IGSF11: variants seen among roughly 807,000 people sequenced by gnomAD.
The protein encoded by IGSF11 is CXADR like 1.
A neutral mutation model predicts 41.0 loss-of-function variants in IGSF11; 22 were observed. That is an observed-to-expected ratio of 0.54 (90% CI 0.38 to 0.77). IGSF11 has a LOEUF of 0.77. Ranked by LOEUF, IGSF11 falls within the 30% of genes least tolerant of loss-of-function variation. The pLI is 0.00. For missense variants in IGSF11, 444 were observed against 530.8 expected, an observed-to-expected ratio of 0.84 and a Z score of 1.61; for synonymous variants, 219 against 201.3, an observed-to-expected ratio of 1.09 and a Z score of -0.74.
intron 1 of IGSF11, among the ~76,000 whole-genome samples, chr3:119,005,024 C>A (rs1415033733): frequency 1.3e-5 from 2 of 149,364 alleles, no homozygotes; most frequent in African/African-American, 5.0e-5. Context: ...TCCTTGTTGA[C>A]TTCCTGTCTC....
intron 1 of IGSF11, among the ~76,000 whole-genome samples, chr3:119,078,162 C>T (rs1056143160): frequency 6.6e-6 from 1 of 152,058 alleles, no homozygotes; most frequent in Admixed American, 6.5e-5. Context: ...TTAGAAAAAA[C>T]TATTCTAAAA....
intron 1 of IGSF11, among the ~76,000 whole-genome samples, chr3:118,968,967 C>T (rs934922307): frequency 6.0e-4 from 92 of 152,242 alleles, no homozygotes; most frequent in African/African-American, 2.0e-3. Flanking sequence ...TCATCTCATA[C>T]ACATAATGTA....
Position 118,927,229 on chromosome 3 carries a change from G to A in IGSF11, c.425-973C>T, listed in dbSNP as rs915872632. On this transcript the variant is annotated intron_variant, in intron 3 of 6. Transcript: ENST00000393775. ...GTCATTGCCACTGTGATGCCAGGAA[G>A]AGAAACCCAAAATAATTCTTTGGAG... Among the ~76,000 whole-genome samples the A allele has an allele frequency of 4.6e-5, 7 of 152,260 alleles. No individual in the cohort carries two copies. The South Asian group carries it at 8.3e-4, about 18-fold the overall frequency.
intron 1 of IGSF11, among the ~76,000 whole-genome samples, chr3:118,962,023 C>G (rs1945370293): frequency 6.6e-6 from 1 of 152,092 alleles, no homozygotes; most frequent in Non-Finnish European, 1.5e-5. Context: ...AATTATATGG[C>G]CTGGACTCTG....
chr3:119,139,530 C>T (rs952186417), intron 1 of IGSF11, among the ~76,000 whole-genome samples: 1 of 152,144 alleles, frequency 6.6e-6, no homozygotes, highest in Non-Finnish European at 1.5e-5. Context: ...AAGAGTTTCC[C>T]TGCACAAGCT....
chr3:119,059,519 A>G (rs1406677218), intron 1 of IGSF11, among the ~76,000 whole-genome samples: 3 of 152,178 alleles, frequency 2.0e-5, no homozygotes, highest in Non-Finnish European at 4.4e-5. Context: ...GAACTTATCC[A>G]TATAACAAAA....
intron 1 of IGSF11, among the ~76,000 whole-genome samples, chr3:119,086,025 T>C (rs1481597954): frequency 6.6e-6 from 1 of 152,276 alleles, no homozygotes; most frequent in East Asian, 1.9e-4. Flanking sequence ...ACTATGTAAA[T>C]GAAAAGGATG....
intron 1 of IGSF11, among the ~76,000 whole-genome samples, chr3:119,009,733 T>C (rs1937870873): frequency 6.6e-6 from 1 of 152,210 alleles, no homozygotes; most frequent in Admixed American, 6.5e-5. Flanking sequence ...TCATTTCGCC[T>C]GATTATTTTG....
intron 1 of IGSF11, among the ~76,000 whole-genome samples, chr3:119,003,654 TGA>T (rs1937146155): frequency 1.3e-5 from 2 of 152,036 alleles, no homozygotes; most frequent in Admixed American, 6.5e-5. Context: ...CTTAATTTAT[TGA>T]GAGTTTTTAG....
At chr3:118,942,360 C>T (rs1943761764) in intron 1 of IGSF11, among the ~76,000 whole-genome samples, 1 of 152,212 alleles carries the variant, frequency 6.6e-6, no homozygotes, top group African/African-American at 2.4e-5. Context: ...ATATCAGGCA[C>T]TTAACCCTAC....
Position 118,915,052 on chromosome 3 carries a change from G to C in IGSF11, c.581-9334C>G, listed in dbSNP as rs976421428. On this transcript the variant is annotated intron_variant, in intron 4 of 6. Coordinates refer to ENST00000393775, the MANE Select transcript of IGSF11 (RefSeq NM_001015887.3). ...AGACCTGCAGCTGAGGGTCCTGTCT[G>C]TTAGAAGGAAAACTAACAAACAGAA... 2.3e-4 allele frequency among the ~76,000 whole-genome samples: 30 copies of C among 130,710 alleles called. No homozygotes were observed. In the East Asian group the frequency reaches 6.7e-3, roughly 29 times the overall value. The allele number at this position is 130,710 out of a possible 152,430, so 85.8% of individuals were successfully genotyped here.
intron 1 of IGSF11, among the ~76,000 whole-genome samples, chr3:119,080,848 G>T (rs773074918): frequency 9.3e-4 from 142 of 152,212 alleles, no homozygotes; most frequent in Non-Finnish European, 1.6e-3. Flanking sequence ...GACCTAGGGT[G>T]ACAGTTGCTT....
chr3:118,910,666 G>A (rs1018456329), intron 4 of IGSF11, among the ~76,000 whole-genome samples: 1 of 152,116 alleles, frequency 6.6e-6, no homozygotes, highest in East Asian at 1.9e-4. Context: ...ATTATATAAA[G>A]CCTTTCACAA....
At chr3:118,939,891 A>C (rs1943557308) in intron 1 of IGSF11, among the ~76,000 whole-genome samples, 1 of 152,188 alleles carries the variant, frequency 6.6e-6, no homozygotes, top group African/African-American at 2.4e-5. Context: ...CAGAAAAACA[A>C]CAGGGTAAAT....
intron 1 of IGSF11, among the ~76,000 whole-genome samples, chr3:118,975,788 G>C (rs1036084267): frequency 2.0e-5 from 3 of 152,152 alleles, no homozygotes; most frequent in African/African-American, 7.2e-5. Flanking sequence ...CATATTGCAT[G>C]TTCTTATTTA....
At chr3:119,044,455 G>A (rs1941240594) in intron 1 of IGSF11, among the ~76,000 whole-genome samples, 1 of 152,006 alleles carries the variant, frequency 6.6e-6, no homozygotes, top group Admixed American at 6.6e-5. Context: ...TATTCCTGAG[G>A]AAGAGAAATC....
intron 1 of IGSF11, among the ~76,000 whole-genome samples, chr3:118,949,639 C>T (rs1181384469): frequency 6.6e-6 from 1 of 152,184 alleles, no homozygotes; most frequent in African/African-American, 2.4e-5. Context: ...TTATTCTCAA[C>T]ATTCTTGCAA....
intron 4 of IGSF11, among the ~76,000 whole-genome samples, chr3:118,911,880 G>A (rs1034102199): frequency 6.6e-6 from 1 of 152,026 alleles, no homozygotes. Flanking sequence ...GTGGGACCAT[G>A]GTGATATTTA....
At position 119,105,080 on chromosome 3, in the gene IGSF11, G is replaced by T; in HGVS notation, c.49+64C>A. The T allele has an allele frequency of 6.7e-6, 7 of 1,044,246 alleles. No homozygotes were observed. The South Asian group carries it at 8.2e-5, about 12-fold the overall frequency. 64.7% of individuals were successfully genotyped at this position (1,044,246 alleles called of 1,614,324 possible). A position where few individuals can be genotyped will look rare whatever the true frequency, so the allele number is the denominator to read the frequency against. On this transcript the variant is annotated intron_variant, in intron 1 of 6. Transcript: ENST00000354673. ...AGTATCACAAAAAGCCTTTCACTCA[G>T]CCAGGCCATAAGAGATAATAACCAC... is the stretch of plus-strand genomic sequence containing the variant.
Sources: gnomAD v4.1 joint callset for allele counts (sites outside exome capture counted in the v4.1 genomes callset) on GRCh38, gnomAD v4.1.1 for gene constraint, MANE v1.5 for transcripts, NCBI Gene and HGNC (gene_info 2026-07-23, HGNC 2026-07-21) for gene names.